Variants in FGF12 observed in about 807,000 individuals in gnomAD.
FGF12 encodes the protein fibroblast growth factor 12B.
In FGF12, 14 loss-of-function variants were observed where a neutral mutation model predicts 23.6. The ratio of observed to expected loss-of-function variants is 0.59; its 90% confidence interval spans 0.39 to 0.93. The LOEUF is 0.93. Among genes scored for constraint, FGF12 ranks in the 40% least tolerant of loss-of-function variants. The pLI, the probability that FGF12 is intolerant of heterozygous loss-of-function variation, is 0.00. For missense variants in FGF12, 175 were observed against 217.8 expected, an observed-to-expected ratio of 0.80 and a Z score of 1.24; for synonymous variants, 62 against 77.3, an observed-to-expected ratio of 0.80 and a Z score of 1.04.
chr3:192,477,522 T>A (rs985164918), intron 2 of FGF12, among the ~76,000 whole-genome samples: 3 of 152,242 alleles, frequency 2.0e-5, no homozygotes, highest in African/African-American at 7.2e-5. Context: ...TTATTACCAG[T>A]ATAAAGATAC....
chr3:192,529,609 T>A (rs1453919840), intron 2 of FGF12, among the ~76,000 whole-genome samples: 1 of 152,154 alleles, frequency 6.6e-6, no homozygotes, highest in Non-Finnish European at 1.5e-5. Context: ...ATGCTGCTGA[T>A]AAAGACATAC....
intron 4 of FGF12, among the ~76,000 whole-genome samples, chr3:192,220,267 G>A (rs954679058): frequency 6.6e-6 from 1 of 152,048 alleles, no homozygotes; most frequent in Non-Finnish European, 1.5e-5. Flanking sequence ...TAGCATCAAA[G>A]ACCCTCCATG....
chr3:192,363,145 G>A (rs893590590), intron 2 of FGF12, among the ~76,000 whole-genome samples: 5 of 151,358 alleles, frequency 3.3e-5, no homozygotes, highest in Non-Finnish European at 7.4e-5. Flanking sequence ...TGTAAATGAC[G>A]AGTTAATGGG....
intron 4 of FGF12, among the ~76,000 whole-genome samples, chr3:192,230,298 C>G (rs1030330436): frequency 4.6e-5 from 7 of 152,142 alleles, no homozygotes; most frequent in South Asian, 4.1e-4. Flanking sequence ...TAGACAGATA[C>G]ATATATGGTG....
rs1468652874 is a variant in FGF12, at chr3:192,355,309, A to C, written c.124+5119T>G. Among the ~76,000 whole-genome samples the C allele has an allele frequency of 2.0e-5, 3 of 152,240 alleles. No homozygotes were observed. In the East Asian group the frequency reaches 5.8e-4, roughly 29 times the overall value. ...TGTATTATATGAAAAAATCTTGCAG[A>C]TATACATTTTAAGTTAAAAGAAGGT... On this transcript the variant is annotated intron_variant, in intron 3 of 5. Transcript: ENST00000445105.
intron 2 of FGF12, chr3:192,515,607 C>G (rs1318553911): frequency 1.3e-5 from 2 of 152,436 alleles, no homozygotes; most frequent in African/African-American, 4.8e-5. Flanking sequence ...TGTCCCCGTG[C>G]CTTTCAGGCT....
chr3:192,711,119 C>T (rs577108569), intron 2 of FGF12, among the ~76,000 whole-genome samples: 2 of 152,306 alleles, frequency 1.3e-5, no homozygotes, highest in East Asian at 3.9e-4. Flanking sequence ...ATAAAAATAT[C>T]TTCGGGAAAT....
At chr3:192,530,605 A>T (rs574691766) in intron 2 of FGF12, among the ~76,000 whole-genome samples, 9 of 152,202 alleles carry the variant, frequency 5.9e-5, no homozygotes, top group African/African-American at 2.2e-4. Context: ...GGAGAAATCT[A>T]AGAAAATTGG....
At chr3:192,680,174 A>G (rs1001978526) in intron 2 of FGF12, among the ~76,000 whole-genome samples, 1 of 152,150 alleles carries the variant, frequency 6.6e-6, no homozygotes, top group African/African-American at 2.4e-5. Flanking sequence ...CTGTCAAGGG[A>G]GGAATTTTGT....
At chr3:192,160,477 T>A (rs1714805774) in intron 5 of FGF12, among the ~76,000 whole-genome samples, 1 of 152,182 alleles carries the variant, frequency 6.6e-6, no homozygotes, top group Admixed American at 6.5e-5. Flanking sequence ...CTAAATTTCA[T>A]TCAGATTACT....
At chr3:192,255,290 A>C (rs1560037357) in intron 4 of FGF12, among the ~76,000 whole-genome samples, 1 of 152,054 alleles carries the variant, frequency 6.6e-6, no homozygotes. Flanking sequence ...TAATATTATA[A>C]ACATTGTCAA....
intron 2 of FGF12, among the ~76,000 whole-genome samples, chr3:192,446,634 C>A (rs1722363462): frequency 6.6e-6 from 1 of 152,202 alleles, no homozygotes. Flanking sequence ...TACTCCTCTC[C>A]ATTGTCTTTC....
At chr3:192,723,592 C>G (rs1719106103) in intron 2 of FGF12, among the ~76,000 whole-genome samples, 1 of 152,034 alleles carries the variant, frequency 6.6e-6, no homozygotes, top group South Asian at 2.1e-4. Context: ...GGTCTGTGGA[C>G]CACCAGCAGT....
intron 2 of FGF12, among the ~76,000 whole-genome samples, chr3:192,632,630 C>T (rs972818814): frequency 2.6e-5 from 4 of 152,160 alleles, no homozygotes; most frequent in Non-Finnish European, 5.9e-5. Context: ...TTGTAGAGCA[C>T]TTTAAATGTG....
chr3:192,438,353 A>G (rs1722091873), intron 2 of FGF12, among the ~76,000 whole-genome samples: 1 of 152,230 alleles, frequency 6.6e-6, no homozygotes, highest in East Asian at 1.9e-4. Context: ...CATGTGTGAG[A>G]CTTAAGGCTT....
chr3:192,393,460 A>G (rs1057211701), intron 2 of FGF12, among the ~76,000 whole-genome samples: 15 of 152,242 alleles, frequency 9.9e-5, no homozygotes, highest in Admixed American at 8.5e-4. Context: ...CCTCAAAAAG[A>G]AAAAGCCCTT....
intron 2 of FGF12, among the ~76,000 whole-genome samples, chr3:192,386,250 G>A (rs1473381199): frequency 3.9e-5 from 6 of 152,084 alleles, no homozygotes; most frequent in African/African-American, 1.4e-4. Context: ...CTCTCTTCTT[G>A]ATAGCTCATT....
intron 2 of FGF12, among the ~76,000 whole-genome samples, chr3:192,384,030 A>T (rs1325705805): frequency 6.6e-6 from 1 of 152,198 alleles, no homozygotes; most frequent in Non-Finnish European, 1.5e-5. Context: ...AAACCAGAAA[A>T]ATGGGAGTAA....
intron 2 of FGF12, among the ~76,000 whole-genome samples, chr3:192,596,220 C>T (rs1713848277): frequency 6.6e-6 from 1 of 151,056 alleles, no homozygotes; most frequent in Non-Finnish European, 1.5e-5. Context: ...GAATTAACTG[C>T]TGATGATATT....
Sources: gnomAD v4.1 joint callset for allele counts (sites outside exome capture counted in the v4.1 genomes callset) on GRCh38, gnomAD v4.1.1 for gene constraint, MANE v1.5 for transcripts, NCBI Gene and HGNC (gene_info 2026-07-23, HGNC 2026-07-21) for gene names.